The following SPATA12 variants were observed in gnomAD, a reference collection of about 807,000 sequenced individuals.
SPATA12 encodes the protein spermatogenesis-associated protein 12.
For synonymous variants in SPATA12, 85 were observed against 89.2 expected, an observed-to-expected ratio of 0.95 and a Z score of 0.26; for missense variants, 219 against 226.4, an observed-to-expected ratio of 0.97 and a Z score of 0.21.
chr3:57,062,627 C>A (rs1705290722), intron 1 of SPATA12, among the ~76,000 whole-genome samples: 1 of 152,200 alleles, frequency 6.6e-6, no homozygotes, highest in African/African-American at 2.4e-5. Flanking sequence ...CTCAGCAAAA[C>A]ACTATGTAGC....
chr3:57,071,528 T>C (rs935109467), intron 1 of SPATA12, among the ~76,000 whole-genome samples: 2 of 151,716 alleles, frequency 1.3e-5, no homozygotes, highest in African/African-American at 4.8e-5. Flanking sequence ...GGTGTGATGA[T>C]GCACACCTGT....
chr3:57,070,236 C>CCCAT (rs1476949454), intron 1 of SPATA12, among the ~76,000 whole-genome samples: 1 of 152,200 alleles, frequency 6.6e-6, no homozygotes, highest in African/African-American at 2.4e-5. Flanking sequence ...AGATCTCCAT[C>CCCAT]CCATCCTTAG....
At chr3:57,064,019 C>A (rs1457923843) in intron 1 of SPATA12, among the ~76,000 whole-genome samples, 1 of 152,244 alleles carries the variant, frequency 6.6e-6, no homozygotes, top group African/African-American at 2.4e-5. Context: ...GTAATCCCAG[C>A]ACTTTGGGAG....
chr3:57,062,310 C>T (rs1219626284), intron 1 of SPATA12, among the ~76,000 whole-genome samples: 1 of 152,162 alleles, frequency 6.6e-6, no homozygotes, highest in Non-Finnish European at 1.5e-5. Flanking sequence ...GTTAGGATGA[C>T]CCTGAGGAAG....
At chr3:57,071,039 T>C (rs1305930525) in intron 1 of SPATA12, among the ~76,000 whole-genome samples, 1 of 151,404 alleles carries the variant, frequency 6.6e-6, no homozygotes, top group Non-Finnish European at 1.5e-5. Flanking sequence ...GGATTCATAC[T>C]TCCTGATTTC....
At chr3:57,068,954 C>A (rs1705722517) in intron 1 of SPATA12, among the ~76,000 whole-genome samples, 1 of 149,238 alleles carries the variant, frequency 6.7e-6, no homozygotes, top group Non-Finnish European at 1.5e-5. Context: ...CCGAGTCTCG[C>A]TGTATCACCC....
chr3:57,071,634 T>C (rs1418072397), intron 1 of SPATA12, among the ~76,000 whole-genome samples: 2 of 145,272 alleles, frequency 1.4e-5, no homozygotes, highest in Admixed American at 1.4e-4. Context: ...TACTCCAGCC[T>C]GGGTGAAAGA....
chr3:57,066,958 C>T (rs932797000), intron 1 of SPATA12, among the ~76,000 whole-genome samples: 1 of 152,232 alleles, frequency 6.6e-6, no homozygotes, highest in African/African-American at 2.4e-5. Context: ...AAATCAACCT[C>T]TCAATAGATA....
At chr3:57,069,063 C>T (rs540177481) in intron 1 of SPATA12, among the ~76,000 whole-genome samples, 1 of 152,012 alleles carries the variant, frequency 6.6e-6, no homozygotes, top group Admixed American at 6.6e-5. Flanking sequence ...ACTGGGATTA[C>T]AGGCACTCAC....
At chr3:57,070,401 G>A (rs551220769) in intron 1 of SPATA12, among the ~76,000 whole-genome samples, 54 of 152,274 alleles carry the variant, frequency 3.5e-4, no homozygotes, top group African/African-American at 1.1e-3. Context: ...CATTTACATC[G>A]CTGGAGTTTT....
intron 1 of SPATA12, among the ~76,000 whole-genome samples, chr3:57,070,312 T>G (rs966658037): frequency 4.8e-5 from 7 of 146,898 alleles, no homozygotes; most frequent in African/African-American, 1.9e-4. Context: ...TTTCACAAAT[T>G]CAGGAGTTAA....
intron 1 of SPATA12, among the ~76,000 whole-genome samples, chr3:57,063,802 G>T (rs936595051): frequency 6.6e-6 from 1 of 152,228 alleles, no homozygotes; most frequent in African/African-American, 2.4e-5. Context: ...TATCTGGGGA[G>T]AGGGGAGTGG....
At chr3:57,062,187 T>C (rs1223145647) in intron 1 of SPATA12, among the ~76,000 whole-genome samples, 1 of 152,080 alleles carries the variant, frequency 6.6e-6, no homozygotes, top group African/African-American at 2.4e-5. Context: ...TGTGACTAGA[T>C]CCAAAGGCAA....
rs1706165709 is a variant in SPATA12 at position 57,075,396 on chromosome 3, C to T, written c.*1129C>T. 1 of 167,082 alleles carries T rather than the reference C, an allele frequency of 6.0e-6. No homozygotes were observed. Among genetic ancestry groups the T allele is most frequent in the African/African-American group, 2.4e-5 (1 of 41,450 alleles). The allele number at this position is 167,082 out of a possible 1,614,324, so 10.3% of individuals were successfully genotyped here. On this transcript the variant is annotated 3_prime_UTR_variant, in exon 2 of 2. Coordinates refer to ENST00000334325, the MANE Select transcript of SPATA12 (RefSeq NM_181727.2). Reference sequence around the variant, plus strand: ...AATGCCTCGCACAGAGTAGCCCTCTCTCCCTAAATGTTTTTGAATAAATGA... The same window carrying T: ...AATGCCTCGCACAGAGTAGCCCTCTTTCCCTAAATGTTTTTGAATAAATGA...
intron 1 of SPATA12, among the ~76,000 whole-genome samples, chr3:57,063,438 G>A (rs984437233): frequency 1.3e-5 from 2 of 152,198 alleles, no homozygotes; most frequent in Admixed American, 1.3e-4. Context: ...CTTGGAGGCC[G>A]CAGTCATTCA....
At chr3:57,061,830 T>C (rs987322538) in intron 1 of SPATA12, among the ~76,000 whole-genome samples, 1 of 152,186 alleles carries the variant, frequency 6.6e-6, no homozygotes, top group Non-Finnish European at 1.5e-5. Flanking sequence ...ATTATTTTCA[T>C]CCCCATTTTA....
rs143976860 is a variant in SPATA12, at chr3:57,072,832, G to A, written c.-329-534G>A. ...GAGGCCAAGGCGGGTGGATCACGAG[G>A]TCAGGAGTTCAAGACCAGCCTGGCC... On this transcript the variant is annotated intron_variant, in intron 1 of 1. Transcript: ENST00000334325. Among the ~76,000 whole-genome samples, 955 of 151,908 alleles carry A rather than the reference G, an allele frequency of 6.3e-3. 9 individuals are homozygous for A. Among genetic ancestry groups the A allele is most frequent in the African/African-American group, 0.021 (886 of 41,424 alleles).
intron 1 of SPATA12, among the ~76,000 whole-genome samples, chr3:57,066,040 CA>C (rs59510971): frequency 0.028 from 3,550 of 127,312 alleles, 115 homozygotes; most frequent in African/African-American, 0.092. Flanking sequence ...GTCTCCAAAA[CA>C]AAAAAAAAAA....
At chr3:57,064,964 C>A (rs1705442739) in intron 1 of SPATA12, among the ~76,000 whole-genome samples, 1 of 152,056 alleles carries the variant, frequency 6.6e-6, no homozygotes, top group East Asian at 1.9e-4. Context: ...TTTTGAGACA[C>A]AATAGAAGGC....
Sources: allele counts gnomAD v4.1 joint callset (sites outside exome capture counted in the v4.1 genomes callset), GRCh38; gene constraint gnomAD v4.1.1; transcripts MANE v1.5; gene names NCBI Gene and HGNC (gene_info 2026-07-23, HGNC 2026-07-21).